LRP2: variants seen among roughly 807,000 people sequenced by gnomAD.
LRP2 encodes LDL receptor related protein 2.
In LRP2, 172 loss-of-function variants were observed where a neutral mutation model predicts 531.0. The ratio of observed to expected loss-of-function variants is 0.32; its 90% confidence interval spans 0.29 to 0.37. LRP2 has a LOEUF of 0.37. Ranked by LOEUF, LRP2 falls within the 10% of genes least tolerant of loss-of-function variation. LRP2 has a pLI of 1.00. For synonymous variants in LRP2, 1,992 were observed against 2,027.6 expected, an observed-to-expected ratio of 0.98 and a Z score of 0.47; for missense variants, 5,167 against 5,868.3, an observed-to-expected ratio of 0.88 and a Z score of 3.90.
chr2:169,208,407 C>G (rs1688472566), intron 38 of LRP2, among the ~76,000 whole-genome samples: 1 of 152,070 alleles, frequency 6.6e-6, no homozygotes, highest in South Asian at 2.1e-4. Context: ...GCAATAAACT[C>G]TTATTATAGT....
chr2:169,225,336 T>A lies in LRP2; in HGVS notation c.5512A>T (p.Thr1838Ser). 6.2e-7 allele frequency: 1 copy of A among 1,613,954 alleles called. No homozygotes were observed. The highest frequency in any genetic ancestry group is 8.5e-7 in the Non-Finnish European group (1 of 1,179,906). ...TCGATTGACTGAGTTCTAGGATTGG[T>A]AGAATAAAGGTTTCTTGAAATCCAA... ...LDWISRNLYS[T>S]NPRTQSIEVL... is the part of the protein sequence containing the mutation. The change falls in exon 33 of 79, where the codon ACC becomes TCC. Residue 1838 changes from threonine to serine, a missense_variant. Thr to Ser is a moderately conservative substitution (Grantham distance 58). Coordinates refer to ENST00000649046, the MANE Select transcript of LRP2 (RefSeq NM_004525.3).
chr2:169,278,346 T>C (rs1683611791), intron 12 of LRP2, among the ~76,000 whole-genome samples: 1 of 152,088 alleles, frequency 6.6e-6, no homozygotes, highest in African/African-American at 2.4e-5. Flanking sequence ...TAGCTGGGCA[T>C]GATGGCACTT....
At chr2:169,356,863 T>C (rs981709553) in intron 1 of LRP2, among the ~76,000 whole-genome samples, 25 of 152,248 alleles carry the variant, frequency 1.6e-4, no homozygotes, top group African/African-American at 5.8e-4. Flanking sequence ...AGTCAATGAC[T>C]ATTTCAGAAT....
At position 169,128,613 on chromosome 2, in the gene LRP2, A is replaced by G; in HGVS notation, c.*50T>C. 1 of 1,560,190 alleles carries G rather than the reference A, an allele frequency of 6.4e-7. No homozygotes were observed. Among genetic ancestry groups the G allele is most frequent in the Non-Finnish European group, 8.8e-7 (1 of 1,131,530 alleles). ...AACTTTTTTCATCTGTTTGTAAAAA[A>G]TATATGTGCAAAAGTGTGTTTCTAA... On this transcript the variant is annotated 3_prime_UTR_variant, in exon 79 of 79. Coordinates refer to ENST00000649046, the MANE Select transcript of LRP2 (RefSeq NM_004525.3).
At chr2:169,317,466 A>C (rs191246800) in intron 3 of LRP2, among the ~76,000 whole-genome samples, 3 of 152,346 alleles carry the variant, frequency 2.0e-5, no homozygotes, top group Admixed American at 2.0e-4. Flanking sequence ...TATGCAATCA[A>C]GAAAGGCCAA....
intron 77 of LRP2, among the ~76,000 whole-genome samples, chr2:169,132,055 A>G (rs1685309864): frequency 6.6e-6 from 1 of 152,192 alleles, no homozygotes; most frequent in African/African-American, 2.4e-5. Flanking sequence ...ATCGAGGGGA[A>G]TAACGTTAGT....
intron 1 of LRP2, among the ~76,000 whole-genome samples, chr2:169,361,130 G>C (rs1489333090): frequency 1.3e-5 from 2 of 152,042 alleles, no homozygotes; most frequent in Non-Finnish European, 2.9e-5. Flanking sequence ...GAGGGGAAAG[G>C]GGGGACTCTC....
At position 169,201,820 on chromosome 2, in the gene LRP2, C is replaced by G. The variant is rs1332631016; in HGVS notation, c.8260G>C (p.Val2754Leu). The change falls in exon 44 of 79, where the codon GTC becomes CTC. Residue 2754 changes from valine (V) to leucine (L), a missense_variant. Around this residue, in one of 6 missense-constraint regions of LRP2, gnomAD observed 1,129 missense variants for 1,362.7 expected, o/e 0.83. Coordinates refer to ENST00000649046, the MANE Select transcript of LRP2 (RefSeq NM_004525.3). ...TAATCACAGCGGTAAGAGTATTGGA[C>G]ACATCGCCCATTGGCACAGGTGAAG... is the stretch of plus-strand genomic sequence containing the variant. The part of the protein sequence containing the change: ...TAFTCANGRC[V>L]QYSYRCDYYN... 3.1e-6 allele frequency: 5 copies of G among 1,614,190 alleles called. No individual in the cohort carries two copies. The South Asian group carries it at 5.5e-5, about 18-fold the overall frequency.
At position 169,207,227 on chromosome 2, in the gene LRP2, A is replaced by G. The variant is rs1688427681; in HGVS notation, c.6493T>C (p.Phe2165Leu). Residue 2165 changes from phenylalanine to leucine, a missense_variant, in exon 39 of 79, where the codon TTT becomes CTT. Transcript: ENST00000649046. ...VAGNLYFTNAFVSETLIEVLR... is the reference protein window; with the variant it reads ...VAGNLYFTNALVSETLIEVLR... ...ACTTCTATCAGTGTTTCAGAAACAA[A>G]GGCATTGGTGAAATAAAGATTTCCT... 3 of 1,614,012 alleles carry G rather than the reference A, an allele frequency of 1.9e-6. No homozygotes were observed. Among genetic ancestry groups the G allele is most frequent in the Non-Finnish European group, 2.5e-6 (3 of 1,179,882 alleles).
chr2:169,263,438 T>C (rs559476690), intron 16 of LRP2, among the ~76,000 whole-genome samples: 1 of 150,834 alleles, frequency 6.6e-6, no homozygotes, highest in Admixed American at 6.6e-5. Flanking sequence ...GGGCAAAGGA[T>C]ATGAACAGAC....
chr2:169,291,639 A>G (rs1684000927), intron 7 of LRP2, among the ~76,000 whole-genome samples: 1 of 152,190 alleles, frequency 6.6e-6, no homozygotes, highest in Non-Finnish European at 1.5e-5. Flanking sequence ...AAGGGTGAAT[A>G]TCACTGGCAA....
rs1249275134 is a variant in LRP2 at position 169,197,004 on chromosome 2, A to G, written c.8605T>C (p.Phe2869Leu). ...ATACAGCGCCCAGATGCGCATTGGA[A>G]CTCACTGCTGCTGCACGTGTGAGTG... is the stretch of plus-strand genomic sequence containing the variant. Reference protein sequence around the residue: ...CTTHTCSSSEFQCASGRCIPQ... With the variant: ...CTTHTCSSSELQCASGRCIPQ... The change falls in exon 46 of 79, where the codon TTC becomes CTC. Residue 2869 changes from phenylalanine (F) to leucine (L), a missense_variant. Phe to Leu is a conservative substitution (Grantham distance 22). Coordinates refer to ENST00000649046, the MANE Select transcript of LRP2 (RefSeq NM_004525.3). 6.2e-7 allele frequency: 1 copy of G among 1,613,958 alleles called. No individual in the cohort carries two copies. Among genetic ancestry groups the G allele is most frequent in the Non-Finnish European group, 8.5e-7 (1 of 1,180,018 alleles).
intron 14 of LRP2, among the ~76,000 whole-genome samples, chr2:169,274,663 C>A (rs963659055): frequency 1.3e-5 from 2 of 151,952 alleles, no homozygotes; most frequent in Non-Finnish European, 2.9e-5. Context: ...TTCTATGGGA[C>A]CTGTTTCCTT....
intron 30 of LRP2, among the ~76,000 whole-genome samples, chr2:169,232,936 C>T (rs1029808600): frequency 6.6e-6 from 1 of 152,192 alleles, no homozygotes; most frequent in Non-Finnish European, 1.5e-5. Context: ...CCAGAAAGAA[C>T]AGTACGGATG....
chr2:169,339,589 TAA>T (rs1317996593), intron 1 of LRP2, among the ~76,000 whole-genome samples: 6 of 152,204 alleles, frequency 3.9e-5, no homozygotes, highest in Admixed American at 2.6e-4. Flanking sequence ...CATGCTTAAC[TAA>T]ATAACACTAA....
At chr2:169,172,654 CAG>C (rs1388541341) in intron 57 of LRP2, among the ~76,000 whole-genome samples, 1 of 152,146 alleles carries the variant, frequency 6.6e-6, no homozygotes, top group African/African-American at 2.4e-5. Flanking sequence ...CAGGGAAAAT[CAG>C]AGAGACATTC....
At chr2:169,152,772 T>C in intron 67 of LRP2, 27 bp downstream of exon 67, 1 of 1,613,386 alleles carries the variant, frequency 6.2e-7, no homozygotes. Context: ...ACAGAACAGG[T>C]AAGGGGGGAA....
intron 63 of LRP2, among the ~76,000 whole-genome samples, chr2:169,159,306 T>G (rs1187074144): frequency 6.6e-6 from 1 of 152,198 alleles, no homozygotes; most frequent in African/African-American, 2.4e-5. Context: ...TTTTCCATAG[T>G]ATGCAATGAG....
intron 77 of LRP2, among the ~76,000 whole-genome samples, 175 bp downstream of exon 77, chr2:169,132,399 G>A (rs1214876847): frequency 6.6e-6 from 1 of 152,126 alleles, no homozygotes; most frequent in East Asian, 1.9e-4. Context: ...AGCTTTATTT[G>A]GTGGAAAGTT....
Sources: allele counts gnomAD v4.1 joint callset (sites outside exome capture counted in the v4.1 genomes callset), GRCh38; gene constraint gnomAD v4.1.1; regional missense constraint gnomAD v4.1.1; transcripts MANE v1.5; gene names NCBI Gene and HGNC (gene_info 2026-07-23, HGNC 2026-07-21).